The following RABGAP1L variants were observed in gnomAD, a reference collection of about 807,000 sequenced individuals.
RABGAP1L encodes RAB GTPase activating protein 1 like.
A neutral mutation model predicts 137.7 loss-of-function variants in RABGAP1L; 63 were observed. That is an observed-to-expected ratio of 0.46 (90% CI 0.37 to 0.56). The LOEUF is 0.56. RABGAP1L is among the 20% of genes least tolerant of loss of function. The probability of loss-of-function intolerance (pLI) is 0.00; values close to 1 mark genes in which losing one functional copy is unlikely to be tolerated. For synonymous variants in RABGAP1L, 431 were observed against 433.7 expected, an observed-to-expected ratio of 0.99 and a Z score of 0.08; for missense variants, 1,095 against 1,244.0, an observed-to-expected ratio of 0.88 and a Z score of 1.80.
At chr1:174,835,940 T>C (rs1159379884) in intron 19 of RABGAP1L, among the ~76,000 whole-genome samples, 1 of 152,186 alleles carries the variant, frequency 6.6e-6, no homozygotes, top group Non-Finnish European at 1.5e-5. Context: ...AAGCCACACA[T>C]TGAGGGTGAA....
chr1:174,276,032 T>A, intron 9 of RABGAP1L, 97 bp downstream of exon 9: 1 of 835,678 alleles, frequency 1.2e-6, no homozygotes, highest in South Asian at 2.2e-5. Context: ...GAACTCAAAG[T>A]GGACTTATTC....
intron 13 of RABGAP1L, among the ~76,000 whole-genome samples, chr1:174,427,211 T>C (rs2149183997): frequency 6.6e-6 from 1 of 151,868 alleles, no homozygotes; most frequent in Non-Finnish European, 1.5e-5. Context: ...CTGAAGTCTG[T>C]AGTTTATAAA....
chr1:174,659,088 T>G (rs973367025), intron 14 of RABGAP1L, among the ~76,000 whole-genome samples: 4 of 152,180 alleles, frequency 2.6e-5, no homozygotes, highest in African/African-American at 9.6e-5. Flanking sequence ...AAGAAAGACA[T>G]AGTAATTTTC....
intron 17 of RABGAP1L, among the ~76,000 whole-genome samples, chr1:174,718,858 A>G (rs1413730783): frequency 5.9e-5 from 5 of 84,218 alleles, no homozygotes; most frequent in East Asian, 7.9e-4. Context: ...TTTTTTTTTG[A>G]GACAGAGTTT....
intron 13 of RABGAP1L, among the ~76,000 whole-genome samples, chr1:174,496,749 C>T (rs1660769903): frequency 6.6e-6 from 1 of 152,144 alleles, no homozygotes; most frequent in Admixed American, 6.6e-5. Context: ...ACCTAGTTGC[C>T]ATCCCAGGAA....
At chr1:174,420,680 T>TG (rs1444402523) in intron 13 of RABGAP1L, among the ~76,000 whole-genome samples, 1 of 149,996 alleles carries the variant, frequency 6.7e-6, no homozygotes, top group Non-Finnish European at 1.5e-5. Context: ...GTGTTTTGTT[T>TG]TTTTTTTTTT....
chr1:174,224,737 A>G lies in RABGAP1L; in HGVS notation c.331+3573A>G, dbSNP rs78591150. ...CCAGTCTAATAATTTTGCTTTCAAC[A>G]GCCATACGTATATTTCCTTGAGCAC... On this transcript the variant is annotated intron_variant, in intron 3 of 25. Coordinates refer to ENST00000681986, the MANE Select transcript of RABGAP1L (RefSeq NM_001366446.1). Among the ~76,000 whole-genome samples the G allele has an allele frequency of 6.5e-3, 994 of 152,284 alleles. 9 individuals are homozygous for G. Among genetic ancestry groups the G allele is most frequent in the Admixed American group, 9.9e-3 (151 of 15,292 alleles).
At chr1:174,371,147 T>G in intron 12 of RABGAP1L, 75 bp downstream of exon 12, 2 of 798,404 alleles carry the variant, frequency 2.5e-6, no homozygotes, top group Non-Finnish European at 1.9e-6. Flanking sequence ...AAAATCTGTG[T>G]GTTAAAATAG....
intron 13 of RABGAP1L, among the ~76,000 whole-genome samples, chr1:174,451,665 G>A (rs1450311142): frequency 6.6e-6 from 1 of 152,054 alleles, no homozygotes; most frequent in Non-Finnish European, 1.5e-5. Flanking sequence ...TTGTACCTCT[G>A]TCTGTACCTT....
chr1:174,695,574 T>C (rs1246731066), intron 15 of RABGAP1L, among the ~76,000 whole-genome samples: 2 of 152,210 alleles, frequency 1.3e-5, no homozygotes, highest in African/African-American at 4.8e-5. Context: ...CTCTTAAATG[T>C]CACATATCTC....
At chr1:174,344,864 C>G (rs1056693299) in intron 11 of RABGAP1L, among the ~76,000 whole-genome samples, 4 of 152,124 alleles carry the variant, frequency 2.6e-5, no homozygotes, top group African/African-American at 9.7e-5. Context: ...AATTGTTGCC[C>G]AGACCAATGT....
intron 12 of RABGAP1L, among the ~76,000 whole-genome samples, chr1:174,371,373 A>T (rs1270254781): frequency 6.6e-6 from 1 of 151,972 alleles, no homozygotes; most frequent in East Asian, 1.9e-4. Context: ...AGCACAGTCA[A>T]TTTTATGCTA....
At chr1:174,182,731 A>G (rs971346728) in intron 1 of RABGAP1L, among the ~76,000 whole-genome samples, 7 of 150,992 alleles carry the variant, frequency 4.6e-5, no homozygotes, top group African/African-American at 1.5e-4. Flanking sequence ...CTTTGTTAGC[A>G]TTTAAGACTT....
At chr1:174,779,996 G>T (rs1686829298) in intron 18 of RABGAP1L, among the ~76,000 whole-genome samples, 1 of 151,510 alleles carries the variant, frequency 6.6e-6, no homozygotes. Context: ...AGCCCAGGAG[G>T]GGGAGATTGC....
In RABGAP1L at chr1:174,868,992, GA is replaced by G. The variant is rs34148746; in HGVS notation, c.2340+57043del. On this transcript the variant is annotated intron_variant, in intron 19 of 25. Transcript: ENST00000681986. ...TCATCTCTCCTGGACAAGGAAATAC[GA>G]AAAAAAAAAATGGAGGCATTGGTTG... is the stretch of plus-strand genomic sequence containing the variant. 7.6e-4 allele frequency among the ~76,000 whole-genome samples: 110 copies of G among 145,544 alleles called. No homozygotes were observed. In the East Asian group the frequency reaches 8.5e-3, roughly 11 times the overall value.
At chr1:174,555,531 T>TCC (rs528979337) in intron 13 of RABGAP1L, among the ~76,000 whole-genome samples, 12 of 147,092 alleles carry the variant, frequency 8.2e-5, no homozygotes, top group African/African-American at 2.9e-4. Flanking sequence ...AAAATGTATG[T>TCC]CCCCCCCCCA....
intron 1 of RABGAP1L, among the ~76,000 whole-genome samples, chr1:174,190,301 C>CA (rs57629149): frequency 0.38 from 33,838 of 89,780 alleles, 5,118 homozygotes; most frequent in African/African-American, 0.4. Flanking sequence ...GACTCCGTTG[C>CA]AAAAAAAAAA....
intron 13 of RABGAP1L, among the ~76,000 whole-genome samples, chr1:174,620,679 G>T (rs1672369238): frequency 6.6e-6 from 1 of 152,050 alleles, no homozygotes; most frequent in African/African-American, 2.4e-5. Flanking sequence ...ACAAGAGAAA[G>T]CAGGAAAGAT....
At chr1:174,455,512 A>G (rs1194879961) in intron 13 of RABGAP1L, among the ~76,000 whole-genome samples, 1 of 152,092 alleles carries the variant, frequency 6.6e-6, no homozygotes, top group Non-Finnish European at 1.5e-5. Context: ...GACTGTAGCA[A>G]GAGATGTGCA....
Sources: gnomAD v4.1 joint callset for allele counts (sites outside exome capture counted in the v4.1 genomes callset) on GRCh38, gnomAD v4.1.1 for gene constraint, MANE v1.5 for transcripts, NCBI Gene and HGNC (gene_info 2026-07-23, HGNC 2026-07-21) for gene names.